The following DNAH6 variants were observed in gnomAD, a reference collection of about 807,000 sequenced individuals.
DNAH6 encodes dynein axonemal heavy chain 6.
DNAH6 carries 340 observed loss-of-function variants against 491.4 expected under a neutral mutation model. The observed-to-expected ratio is 0.69, with a 90% CI of 0.63 to 0.76. The LOEUF (loss-of-function observed/expected upper bound fraction) is 0.76, where lower values mean the gene tolerates loss of function less well. Ranked by LOEUF, DNAH6 falls within the 30% of genes least tolerant of loss-of-function variation. DNAH6 has a pLI of 0.00. For missense variants in DNAH6, 4,443 were observed against 4,972.2 expected (o/e 0.89, Z 3.20); for synonymous variants, 1,603 against 1,686.1 (o/e 0.95, Z 1.21).
chr2:84,629,048 G>T (rs59008733), intron 29 of DNAH6, among the ~76,000 whole-genome samples: 1,733 of 152,056 alleles, frequency 0.011, 32 homozygotes, highest in African/African-American at 0.04. Flanking sequence ...TCTACATTTT[G>T]GTTTTTCCAC....
chr2:84,562,926 G>A (rs530866018), intron 11 of DNAH6, among the ~76,000 whole-genome samples: 10 of 152,246 alleles, frequency 6.6e-5, no homozygotes, highest in South Asian at 2.1e-4. Flanking sequence ...TGTAGCTCCC[G>A]TATCCCTAAG....
intron 46 of DNAH6, among the ~76,000 whole-genome samples, chr2:84,695,257 A>G (rs1695267749): frequency 6.6e-6 from 1 of 152,178 alleles, no homozygotes; most frequent in Non-Finnish European, 1.5e-5. Context: ...TAAACACCTG[A>G]AGAAATTTTC....
intron 59 of DNAH6, among the ~76,000 whole-genome samples, chr2:84,721,879 A>G (rs1021356488): frequency 6.6e-6 from 1 of 152,116 alleles, no homozygotes; most frequent in African/African-American, 2.4e-5. Context: ...GGATTTCCCA[A>G]CCCAGGGATA....
intron 54 of DNAH6, among the ~76,000 whole-genome samples, chr2:84,708,944 A>C (rs1026021745): frequency 6.6e-6 from 1 of 152,200 alleles, no homozygotes; most frequent in Non-Finnish European, 1.5e-5. Flanking sequence ...TCATATGCCA[A>C]CATCCCTATC....
At chr2:84,662,868 G>T (rs1558871944) in intron 37 of DNAH6, among the ~76,000 whole-genome samples, 1 of 152,178 alleles carries the variant, frequency 6.6e-6, no homozygotes, top group Non-Finnish European at 1.5e-5. Context: ...GGGGCCGACT[G>T]ACAGCTCATA....
upstream of DNAH6, among the ~76,000 whole-genome samples, chr2:84,513,978 C>A (rs1473645756): frequency 6.6e-6 from 1 of 152,148 alleles, no homozygotes; most frequent in Non-Finnish European, 1.5e-5. Flanking sequence ...GATAATTCTT[C>A]CAACAGTCTC....
chr2:84,468,055 G>C, the DNAH6 span, among the ~76,000 whole-genome samples: 1 of 152,248 alleles, frequency 6.6e-6, no homozygotes, highest in South Asian at 2.1e-4. Context: ...CTTAATATCT[G>C]ACCTACATAA....
intron 65 of DNAH6, 62 bp downstream of exon 65, chr2:84,781,715 A>T: frequency 6.8e-7 from 1 of 1,469,148 alleles, no homozygotes; most frequent in African/African-American, 1.4e-5. Flanking sequence ...TTCTTGTTGA[A>T]TTCATTCCTT....
chr2:84,809,823 A>AGAGAGAG (rs1679789086), intron 72 of DNAH6, among the ~76,000 whole-genome samples: 1 of 152,170 alleles, frequency 6.6e-6, no homozygotes, highest in Admixed American at 6.5e-5. Context: ...GAAGCAGGAA[A>AGAGAGAG]GAGAGAGGCA....
chr2:84,739,124 C>T (rs1672274942), intron 62 of DNAH6, among the ~76,000 whole-genome samples: 1 of 152,130 alleles, frequency 6.6e-6, no homozygotes, highest in Non-Finnish European at 1.5e-5. Flanking sequence ...AAATTCTTGG[C>T]TGACATTTAT....
intron 46 of DNAH6, among the ~76,000 whole-genome samples, chr2:84,695,807 A>G (rs1695327253): frequency 6.6e-6 from 1 of 152,038 alleles, no homozygotes. Context: ...TGCTTTTAAC[A>G]TTGCTTTTAA....
At chr2:84,720,889 T>C (rs981228268) in intron 59 of DNAH6, among the ~76,000 whole-genome samples, 2 of 152,222 alleles carry the variant, frequency 1.3e-5, no homozygotes, top group Admixed American at 6.5e-5. Context: ...TTATTTGTTT[T>C]GCAAGGAGTT....
At position 84,525,588 on chromosome 2, in the gene DNAH6, T is replaced by C. The variant is rs750762874; in HGVS notation, c.249T>C (p.Asp83=). 2.6e-6 allele frequency: 4 copies of C among 1,547,168 alleles called. No individual in the cohort carries two copies. Among genetic ancestry groups the C allele is most frequent in the Non-Finnish European group, 3.5e-6 (4 of 1,145,480 alleles). Residue 83 remains aspartate, a synonymous_variant, in exon 3 of 77, where the codon GAT becomes GAC. Coordinates refer to ENST00000389394, the MANE Select transcript of DNAH6 (RefSeq NM_001370.2). ...AGCCAGTGCTAAAAGTCTACCAAGA[T>C]CATAAGCAGCCAGAATACATACATG... ...EPLPVLKVYQ[D]HKQPEYIHEQ...
Position 84,624,336 on chromosome 2 carries a change from G to C in DNAH6, c.4143G>C (p.Leu1381Phe). The change falls in exon 27 of 77, where the codon TTG (leucine) becomes TTC (phenylalanine). Residue 1381 changes from leucine (L) to phenylalanine (F), a missense_variant. Leu to Phe is a conservative substitution (Grantham distance 22, BLOSUM62 0). Transcript: ENST00000389394. ...PKLHRNILTA[L>F]ITIDVHARDI... Reference sequence around the variant, plus strand: ...TACACAGAAACATCCTAACTGCATTGATTACTATTGATGTGCATGCAAGAG... The same window carrying C: ...TACACAGAAACATCCTAACTGCATTCATTACTATTGATGTGCATGCAAGAG... 1.3e-6 allele frequency: 2 copies of C among 1,551,328 alleles called. No individual in the cohort carries two copies. Among genetic ancestry groups the C allele is most frequent in the Non-Finnish European group, 1.7e-6 (2 of 1,146,760 alleles).
chr2:84,708,484 G>GA (rs1696701367), intron 54 of DNAH6, among the ~76,000 whole-genome samples: 1 of 101,724 alleles, frequency 9.8e-6, no homozygotes, highest in Non-Finnish European at 2.0e-5. Context: ...AAGGGGGGGG[G>GA]GAGGGAGGGA....
Position 84,579,155 on chromosome 2 carries a change from A to G in DNAH6, c.2077-372A>G, listed in dbSNP as rs567387318. ...TTTGCCAAGTCATCAGTCAGACTGC[A>G]TATTTGTTTCTGAAGGAGAGATCAA... On this transcript the variant is annotated intron_variant, in intron 13 of 76. Coordinates refer to ENST00000389394, the MANE Select transcript of DNAH6 (RefSeq NM_001370.2). Among the ~76,000 whole-genome samples, 9 of 152,324 alleles carry G rather than the reference A, an allele frequency of 5.9e-5. No homozygotes were observed. The South Asian group carries it at 1.7e-3, about 28-fold the overall frequency.
At chr2:84,719,899 GACACACACACACAA>G (rs1348382482) in intron 59 of DNAH6, among the ~76,000 whole-genome samples, 7 of 129,278 alleles carry the variant, frequency 5.4e-5, no homozygotes, top group East Asian at 4.3e-4. Context: ...CACACACACA[GACACACACACACAA>G]ACACACACAC....
At chr2:84,710,793 T>G (rs992476258) in intron 56 of DNAH6, among the ~76,000 whole-genome samples, 4 of 152,118 alleles carry the variant, frequency 2.6e-5, no homozygotes, top group Admixed American at 2.0e-4. Flanking sequence ...AACATTATTT[T>G]TTACTTGGGC....
the DNAH6 span, among the ~76,000 whole-genome samples, chr2:84,485,630 C>T: frequency 1.3e-5 from 2 of 151,982 alleles, no homozygotes; most frequent in South Asian, 2.1e-4. Context: ...CCTTTCTGCT[C>T]GAGGGGTTTT....
Sources: allele counts gnomAD v4.1 joint callset (sites outside exome capture counted in the v4.1 genomes callset), GRCh38; gene constraint gnomAD v4.1.1; transcripts MANE v1.5; gene names NCBI Gene and HGNC (gene_info 2026-07-23, HGNC 2026-07-21).